FARS2: variants seen among roughly 807,000 people sequenced by gnomAD.
FARS2 encodes the protein phenylalanyl-tRNA synthetase 2, mitochondrial.
Under a neutral mutation model 46.4 loss-of-function variants are expected in FARS2, and 40 were observed. The observed-to-expected ratio is 0.86, with a 90% CI of 0.67 to 1.12. The LOEUF is 1.12. Ranked by LOEUF, FARS2 falls within the 50% of genes most tolerant of loss-of-function variation. FARS2 has a pLI of 0.00. For missense variants in FARS2, 513 were observed against 567.9 expected (o/e 0.90, Z 0.98); for synonymous variants, 234 against 214.9 (o/e 1.09, Z -0.78).
intron 2 of FARS2, among the ~76,000 whole-genome samples, chr6:5,369,534 C>A (rs1175272920): frequency 6.6e-6 from 1 of 152,130 alleles, no homozygotes; most frequent in Non-Finnish European, 1.5e-5. Flanking sequence ...AACATGGAAA[C>A]CTGTGGTCAG....
In FARS2 at chr6:5,296,393, G is replaced by A. The variant is rs540019593; in HGVS notation, c.-22+34733G>A. On this transcript the variant is annotated intron_variant, in intron 1 of 6. Coordinates refer to ENST00000274680, the MANE Select transcript of FARS2 (RefSeq NM_006567.5). Reference sequence around the variant, plus strand: ...CCTGACCTCGTGATCCGCCCGCCTTGGCCTCCCAAAGTGCTGGGATTACAG... The same window carrying A: ...CCTGACCTCGTGATCCGCCCGCCTTAGCCTCCCAAAGTGCTGGGATTACAG... Among the ~76,000 whole-genome samples the A allele has an allele frequency of 2.1e-3, 326 of 152,120 alleles. 2 individuals are homozygous for A. The highest frequency in any genetic ancestry group is 7.4e-3 in the African/African-American group (307 of 41,506).
chr6:5,382,225 G>A lies in FARS2; in HGVS notation c.612+13043G>A, dbSNP rs115505317. On this transcript the variant is annotated intron_variant, in intron 2 of 6. Transcript: ENST00000274680. ...ATAAAGATTTTGAGTGAGAGAATGAGTTTCAAGGGAACTTGGGTTAACCTT... is the reference window on the plus strand; with the variant it reads ...ATAAAGATTTTGAGTGAGAGAATGAATTTCAAGGGAACTTGGGTTAACCTT... 4.2e-3 allele frequency among the ~76,000 whole-genome samples: 638 copies of A among 152,340 alleles called. 6 individuals carry two copies. Among genetic ancestry groups the A allele is most frequent in the Middle Eastern group, 0.034 (10 of 294 alleles).
At chr6:5,295,552 A>C (rs765548819) in intron 1 of FARS2, among the ~76,000 whole-genome samples, 39 of 152,230 alleles carry the variant, frequency 2.6e-4, no homozygotes, top group Admixed American at 7.2e-4. Flanking sequence ...GGTAATGATA[A>C]AAATGAGAGA....
intron 1 of FARS2, among the ~76,000 whole-genome samples, chr6:5,270,216 G>A (rs1200770549): frequency 6.6e-6 from 1 of 152,138 alleles, no homozygotes; most frequent in Non-Finnish European, 1.5e-5. Context: ...CCTGTTTCTT[G>A]ACGTTCTGAG....
chr6:5,391,413 T>G, intron 2 of FARS2, among the ~76,000 whole-genome samples: 1 of 152,278 alleles, frequency 6.6e-6, no homozygotes, highest in Admixed American at 6.5e-5. Flanking sequence ...GCAAAGGTAC[T>G]AAACGGTGTG....
At chr6:5,301,846 CAA>C (rs1255311622) in intron 1 of FARS2, among the ~76,000 whole-genome samples, 13 of 143,462 alleles carry the variant, frequency 9.1e-5, no homozygotes, top group African/African-American at 3.0e-4. Context: ...CACACACACA[CAA>C]AGAAAATGGG....
intron 5 of FARS2, among the ~76,000 whole-genome samples, chr6:5,592,812 C>G (rs1414007717): frequency 1.3e-5 from 2 of 152,196 alleles, no homozygotes; most frequent in Non-Finnish European, 2.9e-5. Context: ...GTCAGTACTC[C>G]TTGCCTGCCA....
In FARS2 at chr6:5,311,980, C is replaced by T. The variant is rs1370852277; in HGVS notation, c.-22+50320C>T. Among the ~76,000 whole-genome samples, 1 of 152,194 alleles carries T rather than the reference C, an allele frequency of 6.6e-6. No individual in the cohort carries two copies. Among genetic ancestry groups the T allele is most frequent in the African/African-American group, 2.4e-5 (1 of 41,450 alleles). On this transcript the variant is annotated intron_variant, in intron 1 of 6. Coordinates refer to ENST00000274680, the MANE Select transcript of FARS2 (RefSeq NM_006567.5). This position sits in a 1 kb window ranked among gnomAD's most constrained non-coding sequence, Gnocchi z 4.1. ...AATAACTTTCCGTGCATCGTAGAAT[C>T]TTCGGTGTGTTGAAGGGTTTTATGT... is the stretch of plus-strand genomic sequence containing the variant.
chr6:5,606,380 G>A (rs1214317701), intron 5 of FARS2, among the ~76,000 whole-genome samples: 5 of 151,854 alleles, frequency 3.3e-5, no homozygotes, highest in Non-Finnish European at 5.9e-5. Flanking sequence ...TTGTCAGAGT[G>A]CTTGGGGAAG....
intron 6 of FARS2, among the ~76,000 whole-genome samples, chr6:5,767,627 A>G (rs1762821759): frequency 6.6e-6 from 1 of 152,180 alleles, no homozygotes; most frequent in African/African-American, 2.4e-5. Flanking sequence ...GAGCATAGGT[A>G]AGTTACTTAT....
chr6:5,659,038 A>AG (rs1777729218), intron 6 of FARS2, among the ~76,000 whole-genome samples: 1 of 152,190 alleles, frequency 6.6e-6, no homozygotes, highest in South Asian at 2.1e-4. Flanking sequence ...GCGTTGGACT[A>AG]CAGTTGTTCC....
the FARS2 span, among the ~76,000 whole-genome samples, chr6:5,251,747 T>C: frequency 1.3e-5 from 2 of 152,214 alleles, no homozygotes; most frequent in Admixed American, 6.5e-5. Context: ...TATCATTGCA[T>C]GCTAGCCTTC....
At chr6:5,639,652 C>A (rs1776712821) in intron 6 of FARS2, among the ~76,000 whole-genome samples, 2 of 152,218 alleles carry the variant, frequency 1.3e-5, no homozygotes, top group Admixed American at 6.5e-5. Context: ...CTTCTTCTAT[C>A]CACATTTGTT....
intron 1 of FARS2, among the ~76,000 whole-genome samples, chr6:5,334,927 C>T (rs1003596769): frequency 6.6e-6 from 1 of 152,190 alleles, no homozygotes; most frequent in Non-Finnish European, 1.5e-5. Flanking sequence ...AGAACAACTG[C>T]TTCCCAGCTC....
chr6:5,596,002 T>A (rs1774177237), intron 5 of FARS2, among the ~76,000 whole-genome samples: 1 of 152,122 alleles, frequency 6.6e-6, no homozygotes, highest in African/African-American at 2.4e-5. Flanking sequence ...CCTTACCTAG[T>A]ATGGAGTTTT....
At chr6:5,749,497 G>A (rs1377598575) in intron 6 of FARS2, among the ~76,000 whole-genome samples, 1 of 152,186 alleles carries the variant, frequency 6.6e-6, no homozygotes, top group Non-Finnish European at 1.5e-5. Context: ...CCTGCTGCCA[G>A]CTCCTCCTTG....
chr6:5,403,554 C>T (rs1346303068), intron 2 of FARS2, among the ~76,000 whole-genome samples: 3 of 151,812 alleles, frequency 2.0e-5, no homozygotes, highest in African/African-American at 2.4e-5. Context: ...TTCATGCTTC[C>T]TGTAGAGTTC....
chr6:5,569,388 C>T (rs1413040931), intron 5 of FARS2, among the ~76,000 whole-genome samples: 2 of 151,994 alleles, frequency 1.3e-5, no homozygotes, highest in East Asian at 1.9e-4. Context: ...AAGCATATGC[C>T]CCCATGCCCG....
At chr6:5,329,469 A>AT (rs35042211) in intron 1 of FARS2, among the ~76,000 whole-genome samples, 31,033 of 151,878 alleles carry the variant, frequency 0.2, 3,578 homozygotes, top group East Asian at 0.49. Context: ...GAGTTTTTAA[A>AT]TTTTTTTTAT....
Sources: gnomAD v4.1 joint callset for allele counts (sites outside exome capture counted in the v4.1 genomes callset) on GRCh38, gnomAD v4.1.1 for gene constraint, Gnocchi (gnomAD v3.1) non-coding constraint, MANE v1.5 for transcripts, NCBI Gene and HGNC (gene_info 2026-07-23, HGNC 2026-07-21) for gene names.